The following VRK3 variants were observed in gnomAD, a reference collection of about 807,000 sequenced individuals.
VRK3 encodes serine/threonine-protein kinase VRK3.
VRK3 carries 50 observed loss-of-function variants against 60.4 expected under a neutral mutation model. The ratio of observed to expected loss-of-function variants is 0.83; its 90% CI spans 0.66 to 1.05. VRK3 has a LOEUF of 1.05. Ranked by LOEUF, VRK3 falls within the 50% of genes least tolerant of loss-of-function variation. The pLI, the probability that VRK3 is intolerant of heterozygous loss-of-function variation, is 0.00. For synonymous variants in VRK3, 246 were observed against 227.8 expected (o/e 1.08, Z -0.72); for missense variants, 549 against 585.3 (o/e 0.94, Z 0.64).
intron 3 of VRK3, among the ~76,000 whole-genome samples, chr19:50,011,247 C>A (rs2076989829): frequency 6.6e-6 from 1 of 152,230 alleles, no homozygotes; most frequent in Non-Finnish European, 1.5e-5. Context: ...TGTTTCTCAT[C>A]TCCATGGACT....
chr19:50,010,252 T>G (rs2076973235), intron 3 of VRK3, among the ~76,000 whole-genome samples: 1 of 152,228 alleles, frequency 6.6e-6, no homozygotes, highest in Non-Finnish European at 1.5e-5. Flanking sequence ...TTTGTTATTT[T>G]ATTTATTTAA....
chr19:49,983,844 G>A (rs1467029112), intron 12 of VRK3, among the ~76,000 whole-genome samples: 2 of 152,144 alleles, frequency 1.3e-5, no homozygotes, highest in African/African-American at 4.8e-5. Context: ...TTATTGTCTG[G>A]GCTAACAGAC....
intron 1 of VRK3, among the ~76,000 whole-genome samples, 168 bp from the exon 2 acceptor site, chr19:50,020,815 T>A (rs559805626): frequency 6.6e-6 from 1 of 152,262 alleles, no homozygotes; most frequent in East Asian, 1.9e-4. Flanking sequence ...TGCCAGCCAC[T>A]AGGGAAACAG....
intron 5 of VRK3, among the ~76,000 whole-genome samples, chr19:50,006,021 C>T (rs1375134653): frequency 2.7e-5 from 4 of 149,348 alleles, no homozygotes; most frequent in Non-Finnish European, 4.4e-5. Flanking sequence ...CGTGGTGGCT[C>T]ATGCCTGTAA....
At chr19:50,001,187 G>A (rs1386333265) in intron 5 of VRK3, 1 of 232,544 alleles carries the variant, frequency 4.3e-6, no homozygotes, top group East Asian at 1.1e-4. Flanking sequence ...TGCAATCACT[G>A]TGGTTTCTGT....
intron 3 of VRK3, among the ~76,000 whole-genome samples, chr19:50,014,514 T>C (rs1362576748): frequency 6.6e-6 from 1 of 152,076 alleles, no homozygotes; most frequent in East Asian, 1.9e-4. Flanking sequence ...AGCCGAGATG[T>C]TGCAGTGAGC....
chr19:50,003,915 T>C (rs975808434), intron 5 of VRK3, among the ~76,000 whole-genome samples: 14 of 152,354 alleles, frequency 9.2e-5, no homozygotes, highest in African/African-American at 3.4e-4. Context: ...AAGGATCCAC[T>C]GAGCAACCGG....
At chr19:49,996,353 G>T (rs1194196137) in intron 7 of VRK3, among the ~76,000 whole-genome samples, 1 of 152,058 alleles carries the variant, frequency 6.6e-6, no homozygotes, top group African/African-American at 2.4e-5. Context: ...CACCGCGCCC[G>T]ACTGCATTTG....
chr19:49,996,753 A>T (rs777630679), intron 7 of VRK3, among the ~76,000 whole-genome samples: 1 of 151,956 alleles, frequency 6.6e-6, no homozygotes, highest in Non-Finnish European at 1.5e-5. Flanking sequence ...TGTAGCTGAG[A>T]TTACAGGCAC....
chr19:50,007,757 CT>C lies in VRK3; in HGVS notation c.358del (p.Arg120GlyfsTer21). ...ACAGCTGGTCTTCTGAGGGCTACCC[CT>C]GGTCACCTGAGGGCTCTTCCTGGTC... ...QKTRKSPQVTRGSPQKTSCSP... is the reference protein window; with the variant it reads ...QKTRKSPQVTXGSPQKTSCSP... On this transcript the variant is annotated frameshift_variant, in exon 5 of 15. Coordinates refer to ENST00000316763, the MANE Select transcript of VRK3 (RefSeq NM_016440.4). LOFTEE classifies it high-confidence loss of function. 1 of 1,614,028 alleles carries C rather than the reference CT, an allele frequency of 6.2e-7. No individual in the cohort carries two copies.
At chr19:49,994,167 G>A (rs566806083) in intron 9 of VRK3, among the ~76,000 whole-genome samples, 18 of 152,256 alleles carry the variant, frequency 1.2e-4, no homozygotes, top group African/African-American at 4.1e-4. Context: ...TCCCTCCAGC[G>A]ATGCAAACTG....
intron 12 of VRK3, chr19:49,981,510 A>C (rs1039105382): frequency 2.3e-5 from 5 of 213,856 alleles, no homozygotes; most frequent in African/African-American, 1.2e-4. Context: ...GAGCCACTGC[A>C]CTCCAGCCTG....
chr19:50,004,010 G>C lies in VRK3; in HGVS notation c.548-3156C>G, dbSNP rs117745682. Among the ~76,000 whole-genome samples the C allele has an allele frequency of 8.7e-3, 1,318 of 152,330 alleles. 77 individuals carry two copies. In the East Asian group the frequency reaches 0.11, roughly 13 times the overall value. ...GAGGCCAAGAGTTTGAGACCAGCCTGGCCAACATAGTGAGATCGTCTCTAC... is the reference window on the plus strand; with the variant it reads ...GAGGCCAAGAGTTTGAGACCAGCCTCGCCAACATAGTGAGATCGTCTCTAC... On this transcript the variant is annotated intron_variant, in intron 5 of 14. Transcript: ENST00000316763.
At chr19:50,010,362 C>T (rs2076974377) in intron 3 of VRK3, among the ~76,000 whole-genome samples, 1 of 151,994 alleles carries the variant, frequency 6.6e-6, no homozygotes, top group African/African-American at 2.4e-5. Context: ...GCTGACTCTC[C>T]AGCTAGCTTA....
At position 49,994,813 on chromosome 19, in the gene VRK3, C is replaced by T. The variant is rs374160830; in HGVS notation, c.870+1G>A. ...CAGCTGAGCAACTTCTGGGTACGCA[C>T]CAGCCGGCAGGCCACCTGCAGCACA... On this transcript the variant is annotated splice_donor_variant, in intron 9 of 14. Coordinates refer to ENST00000316763, the MANE Select transcript of VRK3 (RefSeq NM_016440.4). LOFTEE classifies it high-confidence loss of function. The T allele has an allele frequency of 1.9e-6, 3 of 1,612,740 alleles. No individual in the cohort carries two copies. The highest frequency in any genetic ancestry group is 2.5e-6 in the Non-Finnish European group (3 of 1,179,292).
At chr19:50,000,492 T>G in intron 6 of VRK3, 1 of 454,874 alleles carries the variant, frequency 2.2e-6, no homozygotes, top group East Asian at 4.4e-5. Context: ...ACCCTGTGGG[T>G]ATTAGTGGCT....
At chr19:50,007,137 A>T (rs1366137846) in intron 5 of VRK3, among the ~76,000 whole-genome samples, 1 of 152,020 alleles carries the variant, frequency 6.6e-6, no homozygotes, top group Non-Finnish European at 1.5e-5. Context: ...TAAACCTCTC[A>T]CATCCTCTTG....
chr19:49,994,464 G>C (rs1271037765), intron 9 of VRK3, among the ~76,000 whole-genome samples: 1 of 152,192 alleles, frequency 6.6e-6, no homozygotes, highest in Non-Finnish European at 1.5e-5. Context: ...TCCTTGGCCG[G>C]ACCATCCTCT....
chr19:50,003,896 G>A (rs1289509604), intron 5 of VRK3, among the ~76,000 whole-genome samples: 1 of 152,220 alleles, frequency 6.6e-6, no homozygotes. Flanking sequence ...GAAATGGTAG[G>A]TGCTGCTTAA....
Sources: gnomAD v4.1 joint callset for allele counts (sites outside exome capture counted in the v4.1 genomes callset) on GRCh38, gnomAD v4.1.1 for gene constraint, MANE v1.5 for transcripts, NCBI Gene and HGNC (gene_info 2026-07-23, HGNC 2026-07-21) for gene names.